HERC2: variants seen among roughly 807,000 people sequenced by gnomAD.
HERC2 encodes the protein HECT and RLD domain containing E3 ubiquitin protein ligase 2.
In HERC2, 102 loss-of-function variants were observed where a neutral mutation model predicts 537.7. The ratio of observed to expected loss-of-function variants is 0.19; its 90% CI spans 0.16 to 0.22. The LOEUF is 0.22. Among genes scored for constraint, HERC2 ranks in the 10% least tolerant of loss-of-function variants. The pLI is 1.00. For synonymous variants in HERC2, 2,224 were observed against 2,466.2 expected, an observed-to-expected ratio of 0.90 and a Z score of 2.91; for missense variants, 4,236 against 6,198.2, an observed-to-expected ratio of 0.68 and a Z score of 10.63.
At chr15:28,158,075 G>A (rs550965479) in intron 69 of HERC2, among the ~76,000 whole-genome samples, 1 of 152,292 alleles carries the variant, frequency 6.6e-6, no homozygotes, top group South Asian at 2.1e-4. Flanking sequence ...CTGAGTTCTA[G>A]TTTGATGGCA....
intron 3 of HERC2, among the ~76,000 whole-genome samples, chr15:28,297,448 G>C (rs1353669840): frequency 6.6e-6 from 1 of 151,266 alleles, no homozygotes; most frequent in Non-Finnish European, 1.5e-5. Context: ...AAACACTATA[G>C]ACATTGACAT....
intron 9 of HERC2, among the ~76,000 whole-genome samples, chr15:28,271,670 G>C (rs1211498411): frequency 2.7e-5 from 4 of 150,778 alleles, no homozygotes; most frequent in Non-Finnish European, 1.5e-5. Context: ...CTCCATCTAA[G>C]GAAAAAAAAA....
Position 28,237,012 on chromosome 15 carries a change from C to A in HERC2, c.3954G>T (p.Ser1318=). 1 of 1,611,660 alleles carries A rather than the reference C, an allele frequency of 6.2e-7. No homozygotes were observed. The highest frequency in any genetic ancestry group is 1.1e-5 in the South Asian group (1 of 90,968). The change falls in exon 26 of 93, where the codon TCG becomes TCT. Residue 1318 remains serine, a synonymous_variant. Coordinates refer to ENST00000261609, the MANE Select transcript of HERC2 (RefSeq NM_004667.6). ...ACAGCGGTGTGCTCATTGCCAAATACGAAGCGTGTAATCCGAGAAGCAGGC... is the reference window on the plus strand; with the variant it reads ...ACAGCGGTGTGCTCATTGCCAAATAAGAAGCGTGTAATCCGAGAAGCAGGC... ...NLGLLLGLHA[S]YLAMSTPLSP...
Position 28,191,171 on chromosome 15 carries a change from C to A in HERC2, c.8525G>T (p.Ser2842Ile). Residue 2842 changes from serine (S) to isoleucine (I), a missense_variant, in exon 54 of 93, where the codon AGT (serine) becomes ATT (isoleucine). Coordinates refer to ENST00000261609, the MANE Select transcript of HERC2 (RefSeq NM_004667.6). ...TACAACCAGGGACGGCATGTAGCTACTGTCAGCAGGATCTACGATCATTTT... is the reference window on the plus strand; with the variant it reads ...TACAACCAGGGACGGCATGTAGCTAATGTCAGCAGGATCTACGATCATTTT... ...RLKMIVDPAD[S>I]SYMPSLVVVS... The A allele has an allele frequency of 6.2e-7, 1 of 1,613,766 alleles. No individual in the cohort carries two copies. The highest frequency in any genetic ancestry group is 8.5e-7 in the Non-Finnish European group (1 of 1,179,690).
At position 28,191,134 on chromosome 15, in the gene HERC2, A is replaced by C. The variant is rs1432415087; in HGVS notation, c.8557+5T>G. 4 of 1,605,596 alleles carry C rather than the reference A, an allele frequency of 2.5e-6. No homozygotes were observed. Among genetic ancestry groups the C allele is most frequent in the Admixed American group, 3.3e-5 (2 of 59,966 alleles). On this transcript the variant is annotated splice_donor_5th_base_variant and intron_variant, in intron 54 of 92. Transcript: ENST00000261609. ...ACTTCTTTTTAGGTAAACTAACTGA[A>C]TTACCTGACACTACAACCAGGGACG...
intron 70 of HERC2, among the ~76,000 whole-genome samples, chr15:28,151,566 G>A (rs1162803818): frequency 6.6e-6 from 1 of 152,066 alleles, no homozygotes; most frequent in Non-Finnish European, 1.5e-5. Context: ...GCAGACCCCA[G>A]GTGAAGAGTG....
rs1034815042 is a variant in HERC2 at position 28,132,759 on chromosome 15, G to A, written c.12302C>T (p.Ala4101Val). ...IEVVDVAAGG[A>V]HSACVTAAGD... ...GGCTGCTGTGACACAGGCGCTGTGG[G>A]CTCCGCCAGCAGCAACATCGACCAC... The change falls in exon 80 of 93, where the codon GCC becomes GTC. Residue 4101 changes from alanine to valine, a missense_variant. This residue lies in a region of HERC2 where 94 missense variants were observed against 137.4 expected (regional missense o/e 0.68). Transcript: ENST00000261609. The A allele has an allele frequency of 2.5e-6, 4 of 1,608,106 alleles. No homozygotes were observed. The East Asian group carries it at 6.8e-5, about 27-fold the overall frequency.
intron 90 of HERC2, 67 bp downstream of exon 90, chr15:28,114,545 T>C: frequency 6.9e-7 from 1 of 1,439,396 alleles, no homozygotes; most frequent in Non-Finnish European, 9.7e-7. Flanking sequence ...AACACACATG[T>C]CCACACAACC....
At chr15:28,283,358 C>T (rs539148320) in intron 4 of HERC2, among the ~76,000 whole-genome samples, 1 of 152,104 alleles carries the variant, frequency 6.6e-6, no homozygotes, top group African/African-American at 2.4e-5. Context: ...CAAATGACAG[C>T]GAATTTCTCA....
chr15:28,312,584 T>C (rs1199207738), intron 2 of HERC2, among the ~76,000 whole-genome samples: 1 of 151,886 alleles, frequency 6.6e-6, no homozygotes, highest in Non-Finnish European at 1.5e-5. Flanking sequence ...TAAGCTCTGA[T>C]CACACCACAG....
At position 28,146,242 on chromosome 15, in the gene HERC2, C is replaced by A; in HGVS notation, c.11003G>T (p.Arg3668Leu). The A allele has an allele frequency of 6.2e-7, 1 of 1,612,574 alleles. No individual in the cohort carries two copies. Among genetic ancestry groups the A allele is most frequent in the Non-Finnish European group, 8.5e-7 (1 of 1,178,728 alleles). Residue 3668 changes from arginine to leucine, a missense_variant, in exon 71 of 93, where the codon CGG (arginine) becomes CTG (leucine). Physicochemically the swap from Arg to Leu is moderately radical, Grantham distance 102. Transcript: ENST00000261609. ...MDGVNRIVSVRSGREWSDWSS... is the reference protein window; with the variant it reads ...MDGVNRIVSVLSGREWSDWSS... ...GCTCAACCTCCTGTCCTTACCTGAC[C>A]GCACGGAGACGATCCTGTTGACGCC...
chr15:28,301,193 T>C (rs2076614008), intron 2 of HERC2, among the ~76,000 whole-genome samples: 1 of 151,822 alleles, frequency 6.6e-6, no homozygotes, highest in African/African-American at 2.4e-5. Flanking sequence ...GGCGGGCAGA[T>C]CACTTGAGGT....
At chr15:28,318,384 C>T (rs1485394759) in intron 2 of HERC2, among the ~76,000 whole-genome samples, 7 of 152,100 alleles carry the variant, frequency 4.6e-5, no homozygotes, top group Non-Finnish European at 1.0e-4. Context: ...CCCAGCACTT[C>T]CGGAGGCCGA....
chr15:28,117,700 C>T, intron 86 of HERC2: 1 of 377,848 alleles, frequency 2.6e-6, no homozygotes, highest in South Asian at 2.0e-5. Context: ...TGCTTCCACC[C>T]ATCCCATTTC....
At position 28,174,591 on chromosome 15, in the gene HERC2, G is replaced by C; in HGVS notation, c.9861C>G (p.Gly3287=). 1 of 1,613,206 alleles carries C rather than the reference G, an allele frequency of 6.2e-7. No individual in the cohort carries two copies. The highest frequency in any genetic ancestry group is 1.3e-5 in the African/African-American group (1 of 75,030). Residue 3287 remains glycine (G), a synonymous_variant, in exon 65 of 93, where the codon GGC becomes GGG. Transcript: ENST00000261609. ...QVYAWGDNDH[G]QQGNGTTTVN... Reference sequence around the variant, plus strand: ...CCGTGGTCGTGCCATTGCCCTGCTGGCCGTGGTCGTTGTCACCCCAAGCAT... The same window carrying C: ...CCGTGGTCGTGCCATTGCCCTGCTGCCCGTGGTCGTTGTCACCCCAAGCAT...
In HERC2 at chr15:28,123,392, G is replaced by A. The variant is rs138981669; in HGVS notation, c.13188+645C>T. 4.2e-4 allele frequency among the ~76,000 whole-genome samples: 64 copies of A among 152,270 alleles called. No homozygotes were observed. In the East Asian group the frequency reaches 8.5e-3, roughly 20 times the overall value. On this transcript the variant is annotated intron_variant, in intron 85 of 92. Coordinates refer to ENST00000261609, the MANE Select transcript of HERC2 (RefSeq NM_004667.6). ...TTCCCTATACAGAGATGCCCCTACC[G>A]TATGGTAATTAGCCCCTTCAAGATC...
Position 28,191,940 on chromosome 15 carries a change from C to T in HERC2, c.8451+21G>A, listed in dbSNP as rs772156062. ...ACCATCGGTGTGAAAGTGCCCGCTG[C>T]TGTGCCCTATTAGATGCTACCTTTC... On this transcript the variant is annotated intron_variant, in intron 53 of 92. Transcript: ENST00000261609. 11 of 1,603,936 alleles carry T rather than the reference C, an allele frequency of 6.9e-6. No individual in the cohort carries two copies. The South Asian group carries it at 1.2e-4, about 18-fold the overall frequency.
intron 42 of HERC2, 79 bp downstream of exon 42, chr15:28,213,663 A>G: frequency 6.2e-7 from 1 of 1,603,576 alleles, no homozygotes; most frequent in Non-Finnish European, 8.5e-7. Flanking sequence ...AAGTTCTTTC[A>G]AGTGCTGATG....
chr15:28,214,632 A>T, intron 40 of HERC2, 23 bp downstream of exon 40: 1 of 1,610,354 alleles, frequency 6.2e-7, no homozygotes, highest in South Asian at 1.1e-5. Context: ...ACCAGGGCAC[A>T]GGGAAGGTAG....
Sources: gnomAD v4.1 joint callset for allele counts (sites outside exome capture counted in the v4.1 genomes callset) on GRCh38, gnomAD v4.1.1 for gene constraint, gnomAD v4.1.1 regional missense constraint, MANE v1.5 for transcripts, NCBI Gene and HGNC (gene_info 2026-07-23, HGNC 2026-07-21) for gene names.